CASP5: variants seen among roughly 807,000 people sequenced by gnomAD.
CASP5 encodes the protein caspase 5.
In CASP5, 42 loss-of-function variants were observed where a neutral mutation model predicts 45.2. That is an observed-to-expected ratio of 0.93 (90% CI 0.73 to 1.20). The LOEUF is 1.20. CASP5 is among the 50% of genes most tolerant of loss of function. CASP5 has a pLI of 0.00. For missense variants in CASP5, 512 were observed against 532.2 expected, an observed-to-expected ratio of 0.96 and a Z score of 0.37; for synonymous variants, 209 against 186.2, an observed-to-expected ratio of 1.12 and a Z score of -1.00.
rs545737401 is a variant in CASP5 at position 105,002,793 on chromosome 11, TTGAA to T, written c.543+477_543+480del. On this transcript the variant is annotated intron_variant, in intron 4 of 9. Transcript: ENST00000260315. ...AGAGAAAGCTACATTTTATCATGGA[TTGAA>T]TGAGCACTGGTATTTGTTTGAAGCC... 1.3e-4 allele frequency among the ~76,000 whole-genome samples: 20 copies of T among 152,254 alleles called. No homozygotes were observed. The South Asian group carries it at 3.5e-3, about 27-fold the overall frequency.
At chr11:105,015,526 T>A (rs1302853144) in intron 1 of CASP5, among the ~76,000 whole-genome samples, 1 of 152,220 alleles carries the variant, frequency 6.6e-6, no homozygotes. Flanking sequence ...TGTTTTTCAC[T>A]AGTTTTATTT....
intron 7 of CASP5, among the ~76,000 whole-genome samples, 170 bp downstream of exon 7, chr11:104,998,714 GA>G: frequency 6.6e-6 from 1 of 152,142 alleles, no homozygotes. Context: ...GTGTGTGTGG[GA>G]GGGGGAAGGA....
chr11:105,021,350 A>T lies in CASP5; in HGVS notation c.7+1780T>A, dbSNP rs943084490. ...AAAGAGCTTCTACACAGCAAAAGAA[A>T]CTACCGTCAGAGTGAACAGGCAACC... On this transcript the variant is annotated intron_variant, in intron 1 of 9. Coordinates refer to ENST00000260315, the MANE Select transcript of CASP5 (RefSeq NM_004347.5). 9.6e-5 allele frequency among the ~76,000 whole-genome samples: 14 copies of T among 145,588 alleles called. 1 individual carries two copies. In the Middle Eastern group the frequency reaches 0.01, roughly 108 times the overall value.
At chr11:104,999,081 A>G (rs1041836604) in intron 6 of CASP5, 53 bp from the exon 7 acceptor site, 17 of 1,481,550 alleles carry the variant, frequency 1.1e-5, no homozygotes, top group Admixed American at 6.2e-5. Context: ...GTTCCAGAAT[A>G]GAAATGCAGA....
intron 1 of CASP5, among the ~76,000 whole-genome samples, chr11:105,022,291 C>A (rs1337353453): frequency 1.3e-5 from 2 of 150,718 alleles, no homozygotes; most frequent in African/African-American, 4.9e-5. Context: ...GCACATGTAC[C>A]CTAAAACTTA....
intron 1 of CASP5, among the ~76,000 whole-genome samples, chr11:105,022,225 G>A (rs1863004827): frequency 6.6e-6 from 1 of 150,600 alleles, no homozygotes. Context: ...ACGAGTTAGT[G>A]GGTGCAGCCC....
intron 7 of CASP5, 57 bp downstream of exon 7, chr11:104,998,828 C>T: frequency 6.4e-7 from 1 of 1,552,442 alleles, no homozygotes; most frequent in East Asian, 2.2e-5. Context: ...TTCATAGAAT[C>T]ATTCAAAGGT....
chr11:104,999,951 A>T (rs186717568), intron 6 of CASP5, among the ~76,000 whole-genome samples: 1 of 152,348 alleles, frequency 6.6e-6, no homozygotes, highest in African/African-American at 2.4e-5. Flanking sequence ...TCATTTACAA[A>T]TCAAGCTATC....
chr11:105,012,690 A>G (rs192352914), intron 1 of CASP5, among the ~76,000 whole-genome samples: 2 of 151,862 alleles, frequency 1.3e-5, no homozygotes, highest in East Asian at 1.9e-4. Context: ...CACCAGGGAC[A>G]TTAAAACCAC....
chr11:104,996,229 G>C (rs1254980670), intron 8 of CASP5, among the ~76,000 whole-genome samples: 1 of 152,134 alleles, frequency 6.6e-6, no homozygotes, highest in African/African-American at 2.4e-5. Flanking sequence ...TTAAATCCCA[G>C]AATCTTGCTT....
intron 4 of CASP5, among the ~76,000 whole-genome samples, chr11:105,002,426 T>C (rs1157001329): frequency 6.6e-6 from 1 of 152,154 alleles, no homozygotes; most frequent in Non-Finnish European, 1.5e-5. Flanking sequence ...CCTACCCCCT[T>C]CCTTCTCCTT....
intron 3 of CASP5, 93 bp downstream of exon 3, chr11:105,006,990 C>A: frequency 9.7e-7 from 1 of 1,033,908 alleles, no homozygotes. Flanking sequence ...AGAAATGAAA[C>A]TGTAGGTAGA....
intron 3 of CASP5, among the ~76,000 whole-genome samples, chr11:105,004,059 C>T (rs1376931113): frequency 6.6e-6 from 1 of 151,986 alleles, no homozygotes; most frequent in Non-Finnish European, 1.5e-5. Context: ...CCTGTACCAT[C>T]CTGGTATTTT....
intron 6 of CASP5, among the ~76,000 whole-genome samples, chr11:104,999,537 G>A (rs1462978841): frequency 6.6e-6 from 1 of 152,000 alleles, no homozygotes; most frequent in African/African-American, 2.4e-5. Flanking sequence ...TATCACAATT[G>A]CCCACCTTGT....
Position 104,997,508 on chromosome 11 carries a change from C to G in CASP5, c.1097-16G>C. ...GACACGTTATCTATGATGATACAGC[C>G]TGGTATGCCTTGGGCTACGACTTTC... On this transcript the variant is annotated splice_polypyrimidine_tract_variant and intron_variant, in intron 7 of 9. Transcript: ENST00000260315. The G allele has an allele frequency of 1.3e-6, 2 of 1,521,180 alleles. No individual in the cohort carries two copies. The highest frequency in any genetic ancestry group is 2.7e-5 in the African/African-American group (2 of 72,926). The allele number at this position is 1,521,180 out of a possible 1,614,324, so 94.2% of individuals were successfully genotyped here. A position where few individuals can be genotyped will look rare whatever the true frequency, so the allele number is the denominator to read the frequency against.
chr11:105,014,740 A>G (rs1374439427), intron 1 of CASP5, among the ~76,000 whole-genome samples: 1 of 152,228 alleles, frequency 6.6e-6, no homozygotes, highest in Non-Finnish European at 1.5e-5. Context: ...TTGTGAGGGT[A>G]CCATTTTGAG....
At chr11:105,002,344 C>G (rs1861781682) in intron 4 of CASP5, 143 bp from the exon 5 acceptor site, 2 of 649,652 alleles carry the variant, frequency 3.1e-6, no homozygotes, top group Admixed American at 2.8e-5. Context: ...TCCTCTCTCT[C>G]AAGAGCCCAG....
At chr11:105,022,052 T>A (rs1862993118) in intron 1 of CASP5, among the ~76,000 whole-genome samples, 1 of 150,498 alleles carries the variant, frequency 6.6e-6, no homozygotes, top group African/African-American at 2.4e-5. Flanking sequence ...CAGTAAACTA[T>A]CACAAGAACA....
intron 8 of CASP5, among the ~76,000 whole-genome samples, 194 bp from the exon 9 acceptor site, chr11:104,996,036 C>T (rs139815368): frequency 4.2e-3 from 635 of 152,280 alleles, no homozygotes; most frequent in Non-Finnish European, 5.2e-3. Context: ...GTACACTTTA[C>T]ATCAAAATAA....
Sources: allele counts gnomAD v4.1 joint callset (sites outside exome capture counted in the v4.1 genomes callset), GRCh38; gene constraint gnomAD v4.1.1; transcripts MANE v1.5; gene names NCBI Gene and HGNC (gene_info 2026-07-23, HGNC 2026-07-21).